The following PDCD6 variants were observed in gnomAD, a reference collection of about 807,000 sequenced individuals.
PDCD6 encodes the protein programmed cell death protein 6.
A neutral mutation model predicts 28.3 loss-of-function variants in PDCD6; 12 were observed. The observed-to-expected ratio is 0.42, with a 90% CI of 0.27 to 0.69. PDCD6 has a LOEUF of 0.69. Ranked by LOEUF, PDCD6 falls within the 30% of genes least tolerant of loss-of-function variation. The pLI is 0.22. For missense variants in PDCD6, 226 were observed against 269.9 expected, an observed-to-expected ratio of 0.84 and a Z score of 1.14; for synonymous variants, 92 against 108.0, an observed-to-expected ratio of 0.85 and a Z score of 0.92.
At chr5:288,313 C>T (rs998314966) in intron 2 of PDCD6, among the ~76,000 whole-genome samples, 4,210 of 91,896 alleles carry the variant, frequency 0.046, 200 homozygotes, top group African/African-American at 0.15. Flanking sequence ...TATATATATA[C>T]ACATATGTAT....
In PDCD6 at chr5:271,689, A is replaced by G. The variant is rs1054569618; in HGVS notation, c.-32A>G. 5 of 1,314,650 alleles carry G rather than the reference A, an allele frequency of 3.8e-6. No homozygotes were observed. Among genetic ancestry groups the G allele is most frequent in the African/African-American group, 1.5e-5 (1 of 67,500 alleles). 81.4% of individuals were successfully genotyped at this position (1,314,650 alleles called of 1,614,324 possible). On this transcript the variant is annotated 5_prime_UTR_variant, in exon 1 of 6. Coordinates refer to ENST00000264933, the MANE Select transcript of PDCD6 (RefSeq NM_013232.4). ...GGCCTGAGAGGTCTCTCGTCGCTGC[A>G]GGCGCCTCAGCCCAGCCGCGTGCCT...
chr5:300,209 GT>G (rs1189486641), intron 2 of PDCD6, among the ~76,000 whole-genome samples: 1 of 152,224 alleles, frequency 6.6e-6, no homozygotes, highest in Non-Finnish European at 1.5e-5. Context: ...CTTTGCCTGG[GT>G]AGTTGACCAA....
intron 2 of PDCD6, among the ~76,000 whole-genome samples, chr5:300,892 C>T (rs1232887265): frequency 6.6e-6 from 1 of 152,190 alleles, no homozygotes; most frequent in Non-Finnish European, 1.5e-5. Context: ...CCCAGTATGG[C>T]CGTCCGGTTC....
At chr5:278,437 C>T (rs1254505616) in intron 2 of PDCD6, among the ~76,000 whole-genome samples, 4 of 151,338 alleles carry the variant, frequency 2.6e-5, no homozygotes, top group African/African-American at 4.9e-5. Flanking sequence ...AGGCTGGACT[C>T]GGTGGCTCAT....
At chr5:309,531 T>C in intron 4 of PDCD6, 1 of 235,302 alleles carries the variant, frequency 4.2e-6, no homozygotes, top group Non-Finnish European at 8.5e-6. Context: ...TCCTCTGTCC[T>C]TCCCCAGCCT....
At chr5:314,324 T>C (rs1741131097) in intron 5 of PDCD6, 93 bp from the exon 6 acceptor site, 2 of 836,310 alleles carry the variant, frequency 2.4e-6, no homozygotes, top group Non-Finnish European at 4.0e-6. Context: ...AAGACGTGTG[T>C]GCTTCTGAAA....
At chr5:291,671 A>T (rs1213924635) in intron 2 of PDCD6, among the ~76,000 whole-genome samples, 1 of 115,752 alleles carries the variant, frequency 8.6e-6, no homozygotes, top group Non-Finnish European at 1.8e-5. Flanking sequence ...GACATGGCTC[A>T]TTTTCATTGC....
At chr5:282,043 G>A (rs2126698157) in intron 2 of PDCD6, among the ~76,000 whole-genome samples, 1 of 150,224 alleles carries the variant, frequency 6.7e-6, no homozygotes, top group African/African-American at 2.5e-5. Flanking sequence ...GATACAGATA[G>A]GAGCTGATGT....
chr5:281,149 A>C (rs1032740093), intron 2 of PDCD6, among the ~76,000 whole-genome samples: 3 of 152,278 alleles, frequency 2.0e-5, no homozygotes, highest in Non-Finnish European at 4.4e-5. Context: ...AGTAGATTGC[A>C]AGGCTAATGG....
At chr5:300,281 C>A (rs1739968484) in intron 2 of PDCD6, among the ~76,000 whole-genome samples, 1 of 152,220 alleles carries the variant, frequency 6.6e-6, no homozygotes, top group Non-Finnish European at 1.5e-5. Flanking sequence ...CCCTGACTGA[C>A]CCCCAGGTTC....
chr5:283,971 C>G (rs767175700), intron 2 of PDCD6, among the ~76,000 whole-genome samples: 2 of 151,748 alleles, frequency 1.3e-5, no homozygotes, highest in Non-Finnish European at 2.9e-5. Context: ...CAGCTGAAGA[C>G]TTGGAGAGAA....
intron 2 of PDCD6, among the ~76,000 whole-genome samples, chr5:273,935 G>GTTTTTTTTTTTTTTTTTTTT (rs34990391): frequency 6.8e-6 from 1 of 146,108 alleles, no homozygotes; most frequent in Non-Finnish European, 1.5e-5. Context: ...TTAAATCCTC[G>GTTTTTTTTTTTTTTTTTTTT]TTTTTTTTTT....
At chr5:308,981 A>T (rs3756712) in intron 4 of PDCD6, 1 of 154,712 alleles carries the variant, frequency 6.5e-6, no homozygotes, top group Non-Finnish European at 1.4e-5. Context: ...GGTTGCTGTA[A>T]ACAGCCGGTG....
intron 2 of PDCD6, among the ~76,000 whole-genome samples, chr5:286,396 G>C (rs114476951): frequency 2.0e-3 from 307 of 152,138 alleles, no homozygotes; most frequent in African/African-American, 6.9e-3. Flanking sequence ...GTTCCCGTTT[G>C]AGGGCTGTGC....
chr5:299,254 T>C (rs1430526424), intron 2 of PDCD6, among the ~76,000 whole-genome samples: 28 of 58,616 alleles, frequency 4.8e-4, no homozygotes, highest in Middle Eastern at 8.5e-3. Flanking sequence ...CCCCCAGCTG[T>C]TCCCCCCCAG....
chr5:271,925 GCCT>G (rs1017647499), intron 1 of PDCD6, 104 bp downstream of exon 1: 6 of 539,356 alleles, frequency 1.1e-5, no homozygotes, highest in Middle Eastern at 5.3e-4. Flanking sequence ...TTCTACTGCG[GCCT>G]CCTCCGTCCC....
intron 4 of PDCD6, 42 bp from the exon 5 acceptor site, chr5:311,251 G>A (rs540250017): frequency 3.4e-5 from 51 of 1,485,316 alleles, no homozygotes; most frequent in South Asian, 2.6e-4. Flanking sequence ...CATACCTCCC[G>A]TCTCTCCCAG....
At position 271,684 on chromosome 5, in the gene PDCD6, G is replaced by T. The variant is rs1213071337; in HGVS notation, c.-37G>T. ...GAGTCGGCCTGAGAGGTCTCTCGTCGCTGCAGGCGCCTCAGCCCAGCCGCG... is the reference window on the plus strand; with the variant it reads ...GAGTCGGCCTGAGAGGTCTCTCGTCTCTGCAGGCGCCTCAGCCCAGCCGCG... On this transcript the variant is annotated 5_prime_UTR_variant, in exon 1 of 6. Coordinates refer to ENST00000264933, the MANE Select transcript of PDCD6 (RefSeq NM_013232.4). The T allele has an allele frequency of 3.2e-6, 4 of 1,267,746 alleles. No individual in the cohort carries two copies. The highest frequency in any genetic ancestry group is 1.3e-5 in the South Asian group (1 of 79,188). 78.5% of individuals were successfully genotyped at this position (1,267,746 alleles called of 1,614,324 possible).
intron 2 of PDCD6, among the ~76,000 whole-genome samples, chr5:293,939 C>T (rs1399363669): frequency 9.8e-6 from 1 of 101,614 alleles, no homozygotes; most frequent in Admixed American, 1.1e-4. Context: ...AAAGGTATGA[C>T]AGGAAGAGCA....
Sources: allele counts gnomAD v4.1 joint callset (sites outside exome capture counted in the v4.1 genomes callset), GRCh38; gene constraint gnomAD v4.1.1; transcripts MANE v1.5; gene names NCBI Gene and HGNC (gene_info 2026-07-23, HGNC 2026-07-21).